The following ADAMTS12 variants were observed in gnomAD, a reference collection of about 807,000 sequenced individuals.
ADAMTS12 encodes the protein ADAM metallopeptidase with thrombospondin type 1 motif 12, also known as A disintegrin and metalloproteinase with thrombospondin motifs 12.
ADAMTS12 carries 118 observed loss-of-function variants against 167.8 expected under a neutral mutation model. That is an observed-to-expected ratio of 0.70 (90% CI 0.61 to 0.82). The LOEUF (loss-of-function observed/expected upper bound fraction) is 0.82, where lower values mean the gene tolerates loss of function less well. ADAMTS12 is among the 40% of genes least tolerant of loss of function. ADAMTS12 has a pLI of 0.00. For synonymous variants in ADAMTS12, 704 were observed against 716.9 expected (o/e 0.98, Z 0.29); for missense variants, 1,916 against 1,998.8 (o/e 0.96, Z 0.79).
At chr5:33,731,531 A>C (rs1028419876) in intron 3 of ADAMTS12, among the ~76,000 whole-genome samples, 3 of 152,246 alleles carry the variant, frequency 2.0e-5, no homozygotes, top group Non-Finnish European at 4.4e-5. Context: ...CAGCCAGCAG[A>C]GGCTGGGACA....
intron 3 of ADAMTS12, among the ~76,000 whole-genome samples, chr5:33,736,053 T>G (rs1744362598): frequency 6.6e-6 from 1 of 151,000 alleles, no homozygotes; most frequent in Non-Finnish European, 1.5e-5. Flanking sequence ...ATTCTTTTTT[T>G]GCTGTTTTTT....
At chr5:33,706,547 T>A (rs1743207698) in intron 3 of ADAMTS12, among the ~76,000 whole-genome samples, 1 of 152,218 alleles carries the variant, frequency 6.6e-6, no homozygotes, top group African/African-American at 2.4e-5. Flanking sequence ...TATGTGTGTC[T>A]TTGCACATGA....
intron 2 of ADAMTS12, among the ~76,000 whole-genome samples, chr5:33,863,743 C>A (rs1357017673): frequency 6.6e-6 from 1 of 152,136 alleles, no homozygotes; most frequent in Non-Finnish European, 1.5e-5. Context: ...GCCCGTAGAG[C>A]CAAGACAATC....
chr5:33,560,393 AC>A lies in ADAMTS12; in HGVS notation c.4125+633del, dbSNP rs1380828098. Among the ~76,000 whole-genome samples the A allele has an allele frequency of 3.9e-5, 6 of 152,190 alleles. No individual in the cohort carries two copies. The East Asian group carries it at 1.2e-3, about 29-fold the overall frequency. On this transcript the variant is annotated intron_variant, in intron 20 of 23. Coordinates refer to ENST00000504830, the MANE Select transcript of ADAMTS12 (RefSeq NM_030955.4). ...TCCTCAGGGATCTAGAACTAGAAAT[AC>A]CGTTTGACCCAGCCATCCCATTACT...
intron 2 of ADAMTS12, among the ~76,000 whole-genome samples, chr5:33,861,991 A>G (rs1749634339): frequency 6.6e-6 from 1 of 152,248 alleles, no homozygotes; most frequent in African/African-American, 2.4e-5. Flanking sequence ...GAGAACAAAG[A>G]CACAACATAC....
chr5:33,761,515 A>C (rs1178075132), intron 2 of ADAMTS12, among the ~76,000 whole-genome samples: 1 of 152,242 alleles, frequency 6.6e-6, no homozygotes, highest in African/African-American at 2.4e-5. Context: ...GAGAAAGGGT[A>C]ACAAAATGAA....
At chr5:33,535,302 A>G (rs1359130235) in intron 22 of ADAMTS12, among the ~76,000 whole-genome samples, 2 of 152,202 alleles carry the variant, frequency 1.3e-5, no homozygotes, top group Non-Finnish European at 2.9e-5. Context: ...ACTGGGCTCC[A>G]GGAACCTACG....
chr5:33,866,936 AAAAATAAAT>A (rs1381072082), intron 2 of ADAMTS12, among the ~76,000 whole-genome samples: 2 of 152,168 alleles, frequency 1.3e-5, no homozygotes, highest in Non-Finnish European at 2.9e-5. Context: ...AAAGTAAAAA[AAAAATAAAT>A]AAATAAATGT....
chr5:33,790,782 C>CATATATATAT (rs10622464), intron 2 of ADAMTS12, among the ~76,000 whole-genome samples: 166 of 134,016 alleles, frequency 1.2e-3, no homozygotes, highest in African/African-American at 3.7e-3. Flanking sequence ...GACATACAAA[C>CATATATATAT]ATATATATAT....
intron 1 of ADAMTS12, among the ~76,000 whole-genome samples, 156 bp from the exon 2 acceptor site, chr5:33,881,636 A>G (rs1018460429): frequency 5.3e-5 from 8 of 150,532 alleles, no homozygotes; most frequent in Non-Finnish European, 1.2e-4. Context: ...ATCCGGGCTC[A>G]CCGCAACCTC....
intron 3 of ADAMTS12, among the ~76,000 whole-genome samples, chr5:33,697,452 T>G (rs572072406): frequency 6.6e-6 from 1 of 152,242 alleles, no homozygotes. Context: ...GCAACTTTAC[T>G]GCCATTAAGG....
chr5:33,804,452 C>T (rs900895014), intron 2 of ADAMTS12, among the ~76,000 whole-genome samples: 1 of 152,188 alleles, frequency 6.6e-6, no homozygotes, highest in African/African-American at 2.4e-5. Context: ...GGGCCAAGCC[C>T]AGCTCTCTCA....
At chr5:33,823,953 G>A (rs1305033387) in intron 2 of ADAMTS12, among the ~76,000 whole-genome samples, 1 of 152,058 alleles carries the variant, frequency 6.6e-6, no homozygotes, top group Non-Finnish European at 1.5e-5. Flanking sequence ...ATTATGCTAT[G>A]CATACATGTA....
intron 2 of ADAMTS12, among the ~76,000 whole-genome samples, chr5:33,781,224 A>T (rs2112441670): frequency 6.6e-6 from 1 of 152,030 alleles, no homozygotes; most frequent in Non-Finnish European, 1.5e-5. Flanking sequence ...ATGTCTGTGC[A>T]TGTGTATAAT....
chr5:33,657,884 A>G (rs1437313117), intron 7 of ADAMTS12, among the ~76,000 whole-genome samples: 1 of 152,166 alleles, frequency 6.6e-6, no homozygotes, highest in Non-Finnish European at 1.5e-5. Flanking sequence ...CAATTAAACA[A>G]CTGAGTTCAA....
intron 19 of ADAMTS12, among the ~76,000 whole-genome samples, chr5:33,571,065 A>G (rs1746310795): frequency 6.6e-6 from 1 of 152,188 alleles, no homozygotes; most frequent in African/African-American, 2.4e-5. Context: ...ATATATATGC[A>G]CCCAATACAG....
rs1561306733 is a variant in ADAMTS12 at position 33,849,437 on chromosome 5, A to AATATATATTGCACAGCAAT, written c.489+31681_489+31682insATTGCTGTGCAATATATAT. 8.3e-5 allele frequency among the ~76,000 whole-genome samples: 6 copies of AATATATATTGCACAGCAAT among 71,924 alleles called. 2 individuals are homozygous for AATATATATTGCACAGCAAT. The East Asian group carries it at 3.3e-3, about 39-fold the overall frequency. 47.2% of individuals were successfully genotyped at this position (71,924 alleles called of 152,430 possible). ...GCAATATATATATGTATTGAATAGC[A>AATATATATTGCACAGCAAT]ATATATATATGTATTGCACAGCAAT... On this transcript the variant is annotated intron_variant, in intron 2 of 23. Transcript: ENST00000504830.
chr5:33,608,006 A>G (rs1214046405), intron 16 of ADAMTS12, among the ~76,000 whole-genome samples: 1 of 152,284 alleles, frequency 6.6e-6, no homozygotes, highest in African/African-American at 2.4e-5. Flanking sequence ...CACACCTATA[A>G]GCAAATTGGA....
chr5:33,604,561 T>G (rs1393808349), intron 16 of ADAMTS12, among the ~76,000 whole-genome samples: 1 of 139,626 alleles, frequency 7.2e-6, no homozygotes, highest in Non-Finnish European at 1.5e-5. Flanking sequence ...ACCCCCCTAC[T>G]TAGCACAATC....
Sources: allele counts gnomAD v4.1 joint callset (sites outside exome capture counted in the v4.1 genomes callset), GRCh38; gene constraint gnomAD v4.1.1; transcripts MANE v1.5; gene names NCBI Gene and HGNC (gene_info 2026-07-23, HGNC 2026-07-21).